Variants in SLC35F3 observed in about 807,000 individuals in gnomAD.
SLC35F3 encodes the protein putative thiamine transporter SLC35F3.
SLC35F3 carries 25 observed loss-of-function variants against 49.9 expected under a neutral mutation model. The observed-to-expected ratio is 0.50, with a 90% confidence interval of 0.37 to 0.70. The LOEUF (loss-of-function observed/expected upper bound fraction) is 0.70, where lower values mean the gene tolerates loss of function less well. Among genes scored for constraint, SLC35F3 ranks in the 30% least tolerant of loss-of-function variants. The pLI is 0.00. For synonymous variants in SLC35F3, 275 were observed against 265.4 expected (o/e 1.04, Z -0.35); for missense variants, 525 against 639.8 (o/e 0.82, Z 1.94).
intron 2 of SLC35F3, among the ~76,000 whole-genome samples, chr1:233,921,603 G>A (rs1662060411): frequency 6.6e-6 from 1 of 152,014 alleles, no homozygotes; most frequent in Admixed American, 6.6e-5. Context: ...CCATAGCATT[G>A]CCTTTTCTGG....
chr1:233,969,801 G>A (rs1021229331), intron 2 of SLC35F3, among the ~76,000 whole-genome samples: 9 of 152,194 alleles, frequency 5.9e-5, no homozygotes, highest in African/African-American at 1.7e-4. Flanking sequence ...GGTGCCATGA[G>A]ATCCTGTGAG....
chr1:233,912,869 T>C (rs532323241), intron 2 of SLC35F3, among the ~76,000 whole-genome samples: 93 of 152,218 alleles, frequency 6.1e-4, no homozygotes, highest in Non-Finnish European at 1.1e-3. Context: ...ACTGAAACCA[T>C]GGGAAGCAAA....
At chr1:234,096,629 G>C (rs1665129281) in intron 2 of SLC35F3, among the ~76,000 whole-genome samples, 1 of 152,164 alleles carries the variant, frequency 6.6e-6, no homozygotes, top group Non-Finnish European at 1.5e-5. Context: ...CCAGTGGTGA[G>C]AGGCAAGACT....
At chr1:233,942,831 A>C (rs1662450401) in intron 2 of SLC35F3, among the ~76,000 whole-genome samples, 1 of 152,172 alleles carries the variant, frequency 6.6e-6, no homozygotes, top group African/African-American at 2.4e-5. Flanking sequence ...TTAATGACTG[A>C]AACCCATTGA....
intron 2 of SLC35F3, among the ~76,000 whole-genome samples, chr1:233,959,151 G>T (rs1332126869): frequency 3.9e-5 from 6 of 152,052 alleles, no homozygotes; most frequent in Admixed American, 2.0e-4. Flanking sequence ...TAACTCTAAA[G>T]CTTAGTCTCT....
intron 2 of SLC35F3, among the ~76,000 whole-genome samples, chr1:234,211,351 C>T (rs185552532): frequency 6.6e-6 from 1 of 152,318 alleles, no homozygotes; most frequent in East Asian, 1.9e-4. Flanking sequence ...GGCCACTGTC[C>T]TCCAGACCCC....
intron 2 of SLC35F3, among the ~76,000 whole-genome samples, chr1:234,183,554 T>C (rs772541318): frequency 2.8e-5 from 4 of 142,776 alleles, no homozygotes; most frequent in African/African-American, 4.9e-5. Context: ...CTTCAGTGAG[T>C]GTATATGCAT....
At chr1:234,153,610 G>A (rs7520492) in intron 2 of SLC35F3, among the ~76,000 whole-genome samples, 32,183 of 152,100 alleles carry the variant, frequency 0.21, 5,161 homozygotes, top group East Asian at 0.76. Context: ...CTGTATTTTA[G>A]TTGTTTTCCT....
intron 2 of SLC35F3, among the ~76,000 whole-genome samples, chr1:234,188,102 T>C (rs1319742012): frequency 1.3e-5 from 2 of 152,130 alleles, no homozygotes; most frequent in African/African-American, 4.8e-5. Context: ...CTGGGCATGG[T>C]GGCACATGCC....
Position 233,954,842 on chromosome 1 carries a change from T to A in SLC35F3, c.283+49084T>A, listed in dbSNP as rs147604379. ...ATCCTGGGACAAGGAATCCCCAGTC[T>A]TCAATTTTTTTTCTTTTTTGAGATG... On this transcript the variant is annotated intron_variant, in intron 2 of 7. Coordinates refer to ENST00000366618, the MANE Select transcript of SLC35F3 (RefSeq NM_173508.4). Among the ~76,000 whole-genome samples, 31 of 152,258 alleles carry A rather than the reference T, an allele frequency of 2.0e-4. No individual in the cohort carries two copies. The East Asian group carries it at 5.0e-3, about 25-fold the overall frequency.
In SLC35F3 at chr1:234,179,520, G is replaced by A. The variant is rs369241408; in HGVS notation, c.284-51897G>A. On this transcript the variant is annotated intron_variant, in intron 2 of 7. Coordinates refer to ENST00000366618, the MANE Select transcript of SLC35F3 (RefSeq NM_173508.4). ...TATAGTGATCAGTCCAGGGTAATTCGCATATTTATTATCTCAAACATTTAT... is the reference window on the plus strand; with the variant it reads ...TATAGTGATCAGTCCAGGGTAATTCACATATTTATTATCTCAAACATTTAT... 2.1e-4 allele frequency among the ~76,000 whole-genome samples: 32 copies of A among 152,172 alleles called. No homozygotes were observed. The South Asian group carries it at 4.8e-3, about 23-fold the overall frequency.
At chr1:234,285,559 T>TC (rs1668407073) in intron 3 of SLC35F3, 1 of 307,786 alleles carries the variant, frequency 3.2e-6, no homozygotes, top group Non-Finnish European at 6.3e-6. Context: ...CTAAGAGTTG[T>TC]CCAGCTACAG....
intron 2 of SLC35F3, among the ~76,000 whole-genome samples, chr1:234,099,901 A>G (rs951317983): frequency 2.0e-5 from 3 of 152,226 alleles, no homozygotes; most frequent in Admixed American, 6.5e-5. Flanking sequence ...AGTATTTGCT[A>G]AGTGCACAGA....
intron 2 of SLC35F3, among the ~76,000 whole-genome samples, chr1:234,163,665 C>T (rs1308015732): frequency 1.3e-5 from 2 of 152,230 alleles, no homozygotes; most frequent in Non-Finnish European, 2.9e-5. Flanking sequence ...CAAATGCTTT[C>T]TGTAGAGAAG....
At chr1:234,260,649 C>T (rs999993651) in intron 3 of SLC35F3, among the ~76,000 whole-genome samples, 1 of 152,184 alleles carries the variant, frequency 6.6e-6, no homozygotes, top group African/African-American at 2.4e-5. Flanking sequence ...CTATGGACAG[C>T]CTGCTTAACT....
intron 2 of SLC35F3, among the ~76,000 whole-genome samples, chr1:233,956,430 G>C (rs1306945950): frequency 6.6e-6 from 1 of 152,184 alleles, no homozygotes; most frequent in African/African-American, 2.4e-5. Flanking sequence ...GCCAGGGTAT[G>C]GCCATAAAAC....
chr1:233,963,370 GGCTCACTGCAA>G (rs1304267987), intron 2 of SLC35F3, among the ~76,000 whole-genome samples: 3 of 150,868 alleles, frequency 2.0e-5, no homozygotes, highest in African/African-American at 7.3e-5. Context: ...GTGCAATCTC[GGCTCACTGCAA>G]GCTCCGCCTC....
At chr1:234,013,667 G>T (rs2358201) in intron 2 of SLC35F3, among the ~76,000 whole-genome samples, 1 of 151,826 alleles carries the variant, frequency 6.6e-6, no homozygotes, top group Admixed American at 6.6e-5. Flanking sequence ...AACTGATACC[G>T]CAGAAACACA....
chr1:233,982,082 C>A (rs530131133), intron 2 of SLC35F3, among the ~76,000 whole-genome samples: 1 of 152,256 alleles, frequency 6.6e-6, no homozygotes, highest in Admixed American at 6.5e-5. Context: ...GCCACCACGC[C>A]CAACTAATTT....
Sources: gnomAD v4.1 joint callset for allele counts (sites outside exome capture counted in the v4.1 genomes callset) on GRCh38, gnomAD v4.1.1 for gene constraint, MANE v1.5 for transcripts, NCBI Gene and HGNC (gene_info 2026-07-23, HGNC 2026-07-21) for gene names.